The following PRKCE variants were observed in gnomAD, a reference collection of about 807,000 sequenced individuals.
The protein encoded by PRKCE is protein kinase C epsilon.
Under a neutral mutation model 85.4 loss-of-function variants are expected in PRKCE, and 16 were observed. That is an observed-to-expected ratio of 0.19 (90% CI 0.13 to 0.28). PRKCE has a LOEUF of 0.28. Ranked by LOEUF, PRKCE falls within the 10% of genes least tolerant of loss-of-function variation. The probability of loss-of-function intolerance (pLI) is 1.00; values close to 1 mark genes in which losing one functional copy is unlikely to be tolerated. For synonymous variants in PRKCE, 388 were observed against 371.5 expected, an observed-to-expected ratio of 1.04 and a Z score of -0.51; for missense variants, 573 against 975.2, an observed-to-expected ratio of 0.59 and a Z score of 5.49.
intron 1 of PRKCE, among the ~76,000 whole-genome samples, chr2:45,724,530 A>C (rs1389732149): frequency 2.0e-5 from 3 of 152,240 alleles, no homozygotes; most frequent in Admixed American, 6.5e-5. Context: ...GATGAAGCTT[A>C]GTGAGGAAGG....
chr2:45,913,243 G>A (rs1423045791), intron 2 of PRKCE, among the ~76,000 whole-genome samples: 2 of 152,198 alleles, frequency 1.3e-5, no homozygotes, highest in African/African-American at 4.8e-5. Context: ...AACTCCCTGG[G>A]CTCAGATGAT....
intron 1 of PRKCE, among the ~76,000 whole-genome samples, chr2:45,736,617 C>T (rs1157590862): frequency 6.6e-6 from 1 of 152,198 alleles, no homozygotes; most frequent in Non-Finnish European, 1.5e-5. Flanking sequence ...CTTTAAAACT[C>T]CTCTCACTTT....
intron 1 of PRKCE, among the ~76,000 whole-genome samples, chr2:45,703,130 T>A (rs776435803): frequency 0.035 from 5,318 of 152,214 alleles, 146 homozygotes; most frequent in Non-Finnish European, 0.053. Context: ...TATTTATTTT[T>A]TTTTTTTGTA....
At chr2:45,837,863 C>G (rs1348624391) in intron 1 of PRKCE, among the ~76,000 whole-genome samples, 2 of 152,318 alleles carry the variant, frequency 1.3e-5, no homozygotes, top group Admixed American at 1.3e-4. Flanking sequence ...GAGCGAGACT[C>G]TGTCTCAAAA....
At chr2:46,022,805 C>T (rs901052141) in intron 10 of PRKCE, among the ~76,000 whole-genome samples, 9 of 152,176 alleles carry the variant, frequency 5.9e-5, no homozygotes, top group Non-Finnish European at 7.3e-5. Context: ...TATCATCGGC[C>T]GGGCGCGGTG....
intron 11 of PRKCE, among the ~76,000 whole-genome samples, chr2:46,125,230 G>A (rs887679435): frequency 6.6e-6 from 1 of 152,218 alleles, no homozygotes; most frequent in Admixed American, 6.5e-5. Flanking sequence ...AGTTCATCCA[G>A]TCTGTAGAGC....
chr2:45,686,549 T>C (rs1055369252), intron 1 of PRKCE, among the ~76,000 whole-genome samples: 1 of 152,130 alleles, frequency 6.6e-6, no homozygotes, highest in East Asian at 1.9e-4. Flanking sequence ...TGGCTTGACA[T>C]AGAATTAATA....
At chr2:46,100,953 C>T (rs1671160043) in intron 11 of PRKCE, among the ~76,000 whole-genome samples, 1 of 152,130 alleles carries the variant, frequency 6.6e-6, no homozygotes, top group African/African-American at 2.4e-5. Flanking sequence ...ACTGCAACCT[C>T]CGCCTCCCAG....
At chr2:45,974,033 AT>A (rs1702274425) in intron 2 of PRKCE, among the ~76,000 whole-genome samples, 1 of 152,218 alleles carries the variant, frequency 6.6e-6, no homozygotes, top group Non-Finnish European at 1.5e-5. Context: ...AATAACCTGC[AT>A]CCTGTGTCCT....
chr2:45,922,987 C>A (rs1203389555), intron 2 of PRKCE, among the ~76,000 whole-genome samples: 1 of 152,136 alleles, frequency 6.6e-6, no homozygotes, highest in Non-Finnish European at 1.5e-5. Flanking sequence ...ACGATTATTT[C>A]CTCAAGATAT....
At chr2:46,021,757 G>C (rs914151669) in intron 10 of PRKCE, among the ~76,000 whole-genome samples, 2 of 152,260 alleles carry the variant, frequency 1.3e-5, no homozygotes, top group African/African-American at 2.4e-5. Context: ...AACAAAGCCA[G>C]TTTCCTCATG....
intron 1 of PRKCE, among the ~76,000 whole-genome samples, chr2:45,733,304 C>T (rs1681749059): frequency 6.6e-6 from 1 of 152,222 alleles, no homozygotes; most frequent in Admixed American, 6.5e-5. Context: ...TTCATTCATT[C>T]ATTCAACAAG....
At position 45,986,986 on chromosome 2, in the gene PRKCE, G is replaced by A. The variant is rs370595742; in HGVS notation, c.823+2306G>A. Reference sequence around the variant, plus strand: ...TTGGAAAGATTAGTGTGGTTGCCGGGAAGCAGGGCCTGCTTTGGAGGGAAC... The same window carrying A: ...TTGGAAAGATTAGTGTGGTTGCCGGAAAGCAGGGCCTGCTTTGGAGGGAAC... On this transcript the variant is annotated intron_variant, in intron 6 of 14. Coordinates refer to ENST00000306156, the MANE Select transcript of PRKCE (RefSeq NM_005400.3). 8.6e-5 allele frequency among the ~76,000 whole-genome samples: 13 copies of A among 152,030 alleles called. No homozygotes were observed. The East Asian group carries it at 1.7e-3, about 20-fold the overall frequency.
intron 10 of PRKCE, among the ~76,000 whole-genome samples, chr2:46,071,743 G>C (rs530463789): frequency 5.3e-5 from 8 of 152,332 alleles, no homozygotes; most frequent in African/African-American, 1.9e-4. Flanking sequence ...TGTGTTTAGA[G>C]AGACCAGCCT....
At chr2:45,846,988 C>T (rs1691845496) in intron 2 of PRKCE, among the ~76,000 whole-genome samples, 1 of 152,182 alleles carries the variant, frequency 6.6e-6, no homozygotes, top group Non-Finnish European at 1.5e-5. Flanking sequence ...TGTTCAAGGA[C>T]AGGTTTCTGA....
At chr2:46,086,496 T>A in intron 11 of PRKCE, 134 bp downstream of exon 11, 2 of 1,112,492 alleles carry the variant, frequency 1.8e-6, no homozygotes, top group Non-Finnish European at 1.2e-6. Flanking sequence ...TCCAATTTGC[T>A]TACAGAAGAC....
At chr2:45,888,463 G>GTA (rs1695461590) in intron 2 of PRKCE, among the ~76,000 whole-genome samples, 16 of 111,128 alleles carry the variant, frequency 1.4e-4, no homozygotes, top group Non-Finnish European at 2.4e-4. Flanking sequence ...TTTCCCAACA[G>GTA]TCTTTTTTTT....
chr2:46,000,823 T>C (rs921940106), intron 6 of PRKCE: 4 of 152,242 alleles, frequency 2.6e-5, no homozygotes, highest in Admixed American at 2.6e-4. Context: ...TGCGATTCTC[T>C]GTATTCGCCT....
rs189241452 is a variant in PRKCE, at chr2:45,752,381, A to G, written c.349-90619A>G. Among the ~76,000 whole-genome samples, 45 of 152,248 alleles carry G rather than the reference A, an allele frequency of 3.0e-4. No individual in the cohort carries two copies. The East Asian group carries it at 7.7e-3, about 26-fold the overall frequency. ...TCTGGCTTCAGGGTCTGTACCCTCA[A>G]CCCTGTGCTGAACTGCTTGCCTTCC... On this transcript the variant is annotated intron_variant, in intron 1 of 14. Transcript: ENST00000306156.
Sources: gnomAD v4.1 joint callset for allele counts (sites outside exome capture counted in the v4.1 genomes callset) on GRCh38, gnomAD v4.1.1 for gene constraint, MANE v1.5 for transcripts, NCBI Gene and HGNC (gene_info 2026-07-23, HGNC 2026-07-21) for gene names.